The following CNTN5 variants were observed in gnomAD, a reference collection of about 807,000 sequenced individuals.
The protein encoded by CNTN5 is contactin 5.
A neutral mutation model predicts 129.1 loss-of-function variants in CNTN5; 77 were observed. The observed-to-expected ratio is 0.60, with a 90% CI of 0.50 to 0.72. CNTN5 has a LOEUF of 0.72. Among genes scored for constraint, CNTN5 ranks in the 30% least tolerant of loss-of-function variants. The probability of loss-of-function intolerance (pLI) is 0.00; values close to 1 mark genes in which losing one functional copy is unlikely to be tolerated. For synonymous variants in CNTN5, 509 were observed against 465.6 expected (o/e 1.09, Z -1.20); for missense variants, 1,478 against 1,328.8 (o/e 1.11, Z -1.75).
chr11:99,131,659 A>T (rs1260598908), intron 1 of CNTN5, among the ~76,000 whole-genome samples: 1 of 152,166 alleles, frequency 6.6e-6, no homozygotes, highest in African/African-American at 2.4e-5. Flanking sequence ...GAAGAAATGG[A>T]TAAATTTCTG....
At chr11:100,036,354 T>A in intron 9 of CNTN5, among the ~76,000 whole-genome samples, 1 of 152,088 alleles carries the variant, frequency 6.6e-6, no homozygotes, top group Non-Finnish European at 1.5e-5. Context: ...AGTACCAGGC[T>A]ATTTTGGTTA....
At chr11:100,128,286 G>A (rs1946261640) in intron 13 of CNTN5, among the ~76,000 whole-genome samples, 1 of 151,980 alleles carries the variant, frequency 6.6e-6, no homozygotes, top group Admixed American at 6.6e-5. Flanking sequence ...ATGTGCTTAA[G>A]CCAGAGATTT....
intron 1 of CNTN5, 51 bp from the exon 2 acceptor site, chr11:99,325,295 T>G (rs1248503244): frequency 7.5e-6 from 1 of 132,628 alleles, no homozygotes; most frequent in Non-Finnish European, 1.6e-5. Flanking sequence ...TCAAGCAAAG[T>G]TGAAAAAAAG....
intron 9 of CNTN5, among the ~76,000 whole-genome samples, chr11:100,002,372 T>G (rs1446359031): frequency 2.0e-5 from 3 of 152,130 alleles, no homozygotes; most frequent in African/African-American, 7.2e-5. Context: ...AAAAACTTCT[T>G]TAATGAATAA....
chr11:100,140,241 C>G (rs938528108), intron 13 of CNTN5, among the ~76,000 whole-genome samples: 2 of 152,148 alleles, frequency 1.3e-5, no homozygotes, highest in Non-Finnish European at 2.9e-5. Context: ...AGAAATATGC[C>G]AACATGGCTT....
chr11:99,086,362 A>G (rs568958911), intron 1 of CNTN5, among the ~76,000 whole-genome samples: 4 of 152,288 alleles, frequency 2.6e-5, no homozygotes, highest in Admixed American at 2.6e-4. Flanking sequence ...ATTTATAAAG[A>G]GGTTTAATTG....
Position 100,019,069 on chromosome 11 carries a change from C to T in CNTN5, c.980+16933C>T, listed in dbSNP as rs759773130. Among the ~76,000 whole-genome samples, 7 of 151,744 alleles carry T rather than the reference C, an allele frequency of 4.6e-5. No individual in the cohort carries two copies. The East Asian group carries it at 7.7e-4, about 17-fold the overall frequency. ...CAAGTCCTTTATCATATATGTGATT[C>T]GCAAATATTTTCTCCCACTCTGGGA... On this transcript the variant is annotated intron_variant, in intron 9 of 24. Transcript: ENST00000524871.
intron 1 of CNTN5, among the ~76,000 whole-genome samples, chr11:99,075,761 A>G (rs996002937): frequency 1.3e-5 from 2 of 152,194 alleles, no homozygotes; most frequent in African/African-American, 4.8e-5. Context: ...GTTTATGATG[A>G]TAGTAGTATT....
At chr11:99,374,567 C>CTG (rs1213893450) in intron 2 of CNTN5, among the ~76,000 whole-genome samples, 1 of 152,088 alleles carries the variant, frequency 6.6e-6, no homozygotes, top group African/African-American at 2.4e-5. Context: ...GCCTGTAGTC[C>CTG]CAGCTACTCC....
intron 1 of CNTN5, among the ~76,000 whole-genome samples, chr11:99,055,925 C>T (rs968634068): frequency 2.0e-5 from 3 of 151,922 alleles, no homozygotes; most frequent in African/African-American, 7.2e-5. Context: ...TGGGTTGTCT[C>T]CTTCGGTTTC....
intron 3 of CNTN5, among the ~76,000 whole-genome samples, chr11:99,599,965 A>G (rs372120399): frequency 6.6e-6 from 1 of 152,132 alleles, no homozygotes; most frequent in Admixed American, 6.5e-5. Flanking sequence ...AGTAAAGAGA[A>G]AAAAACCTTT....
intron 21 of CNTN5, among the ~76,000 whole-genome samples, chr11:100,319,125 A>T: frequency 6.7e-6 from 1 of 149,590 alleles, no homozygotes; most frequent in Admixed American, 6.6e-5. Context: ...AAAAAACACT[A>T]TCCTGACTTC....
At chr11:99,239,456 C>T (rs901678702) in intron 1 of CNTN5, among the ~76,000 whole-genome samples, 2 of 152,124 alleles carry the variant, frequency 1.3e-5, no homozygotes, top group Non-Finnish European at 2.9e-5. Flanking sequence ...ACATATTAGG[C>T]GACCTCTGTT....
chr11:99,201,895 A>C (rs1859229691), intron 1 of CNTN5, among the ~76,000 whole-genome samples: 1 of 152,238 alleles, frequency 6.6e-6, no homozygotes, highest in African/African-American at 2.4e-5. Flanking sequence ...TTCAACCTAA[A>C]GAACAGAAAG....
chr11:99,374,186 T>C (rs1380194858), intron 2 of CNTN5, among the ~76,000 whole-genome samples: 1 of 152,188 alleles, frequency 6.6e-6, no homozygotes, highest in East Asian at 1.9e-4. Context: ...TAGTCAGAGG[T>C]CCAATTTCAG....
intron 13 of CNTN5, among the ~76,000 whole-genome samples, chr11:100,098,339 A>G (rs943433160): frequency 2.6e-5 from 4 of 152,104 alleles, no homozygotes; most frequent in African/African-American, 4.8e-5. Flanking sequence ...AAATATCTAT[A>G]TTTACCCCTG....
chr11:100,002,177 T>A (rs2137476133), intron 9 of CNTN5, 41 bp downstream of exon 9: 1 of 1,269,466 alleles, frequency 7.9e-7, no homozygotes. Flanking sequence ...AATTTTTTAT[T>A]AAAATGTGAC....
intron 8 of CNTN5, among the ~76,000 whole-genome samples, chr11:99,963,907 T>C (rs973367306): frequency 6.6e-6 from 1 of 152,114 alleles, no homozygotes; most frequent in African/African-American, 2.4e-5. Flanking sequence ...AGTATTTTAT[T>C]CTCTTTGAAG....
intron 13 of CNTN5, among the ~76,000 whole-genome samples, chr11:100,113,764 C>T (rs937417091): frequency 2.0e-5 from 3 of 152,090 alleles, no homozygotes; most frequent in African/African-American, 7.2e-5. Context: ...ATTATAAACA[C>T]TTCAAATTAC....
Sources: gnomAD v4.1 joint callset for allele counts (sites outside exome capture counted in the v4.1 genomes callset) on GRCh38, gnomAD v4.1.1 for gene constraint, MANE v1.5 for transcripts, NCBI Gene and HGNC (gene_info 2026-07-23, HGNC 2026-07-21) for gene names.